C1orf159: variants seen among roughly 807,000 people sequenced by gnomAD.
C1orf159 encodes chromosome 1 open reading frame 159, also known as uncharacterized protein C1orf159.
A neutral mutation model predicts 25.6 loss-of-function variants in C1orf159; 19 were observed. The ratio of observed to expected loss-of-function variants is 0.74; its 90% CI spans 0.52 to 1.09. The LOEUF (loss-of-function observed/expected upper bound fraction) is 1.09. Ranked by LOEUF, C1orf159 falls within the 50% of genes least tolerant of loss-of-function variation. C1orf159 has a pLI of 0.00. For synonymous variants in C1orf159, 139 were observed against 124.7 expected, an observed-to-expected ratio of 1.12 and a Z score of -0.77; for missense variants, 274 against 290.6, an observed-to-expected ratio of 0.94 and a Z score of 0.42.
In C1orf159 at chr1:1,082,796, G is replaced by A. The variant is rs1645764696; in HGVS notation, c.*97C>T. The A allele has an allele frequency of 1.8e-6, 2 of 1,141,752 alleles. No individual in the cohort carries two copies. The highest frequency in any genetic ancestry group is 5.1e-5 in the East Asian group (2 of 38,914). The allele number at this position is 1,141,752 out of a possible 1,614,324, so 70.7% of individuals were successfully genotyped here. On this transcript the variant is annotated 3_prime_UTR_variant, in exon 10 of 10. Coordinates refer to ENST00000421241, the MANE Select transcript of C1orf159 (RefSeq NM_017891.5). The stretch of plus-strand genomic sequence containing the variant: ...CGAGGCTGTGCCCAGGACTGTCCCG[G>A]GCGCCGGGCGATGCCAACACTTTGT...
intron 1 of C1orf159, among the ~76,000 whole-genome samples, chr1:1,111,638 C>G (rs540936707): frequency 6.6e-6 from 1 of 152,146 alleles, no homozygotes; most frequent in East Asian, 1.9e-4. Context: ...AAGCAACCAC[C>G]GGCTGGGGCA....
chr1:1,103,812 C>G (rs1341583296), intron 1 of C1orf159, among the ~76,000 whole-genome samples: 1 of 152,182 alleles, frequency 6.6e-6, no homozygotes, highest in African/African-American at 2.4e-5. Flanking sequence ...TCACCCCGGC[C>G]TCCTGAATAG....
At position 1,084,366 on chromosome 1, in the gene C1orf159, C is replaced by CG; in HGVS notation, c.488dup (p.Pro164AlafsTer114). 3 of 1,563,142 alleles carry CG rather than the reference C, an allele frequency of 1.9e-6. No homozygotes were observed. Among genetic ancestry groups the CG allele is most frequent in the Non-Finnish European group, 2.6e-6 (3 of 1,153,502 alleles). On this transcript the variant is annotated frameshift_variant, in exon 9 of 10. Coordinates refer to ENST00000421241, the MANE Select transcript of C1orf159 (RefSeq NM_017891.5). LOFTEE classifies it high-confidence loss of function. ...AGCTGCTGTTACCTGAGGACTGTGG[C>CG]GGGGGGATCATTGCAGCCTTGAAAA...
intron 1 of C1orf159, among the ~76,000 whole-genome samples, chr1:1,108,088 C>T (rs964688975): frequency 6.6e-6 from 1 of 151,228 alleles, no homozygotes; most frequent in Non-Finnish European, 1.5e-5. Flanking sequence ...TCGGCAGCAC[C>T]ATTCACCACA....
chr1:1,114,227 C>T (rs949352169), intron 1 of C1orf159, among the ~76,000 whole-genome samples: 1 of 152,084 alleles, frequency 6.6e-6, no homozygotes, highest in Non-Finnish European at 1.5e-5. Flanking sequence ...CAGCCAGGGC[C>T]GCCTTCTCTT....
chr1:1,084,842 G>A (rs1320244047), intron 7 of C1orf159, among the ~76,000 whole-genome samples: 2 of 152,122 alleles, frequency 1.3e-5, no homozygotes, highest in African/African-American at 4.8e-5. Flanking sequence ...CAGGCTCCAG[G>A]GTCCCAGGGG....
At chr1:1,111,769 C>G (rs1414537551) in intron 1 of C1orf159, among the ~76,000 whole-genome samples, 1 of 152,146 alleles carries the variant, frequency 6.6e-6, no homozygotes, top group Non-Finnish European at 1.5e-5. Context: ...GTAAACACAG[C>G]CCCGAGGGCT....
chr1:1,087,816 G>A lies in C1orf159; in HGVS notation c.149-219C>T, dbSNP rs1645856211. On this transcript the variant is annotated intron_variant, in intron 4 of 9. Coordinates refer to ENST00000421241, the MANE Select transcript of C1orf159 (RefSeq NM_017891.5). This position sits in a 1 kb window ranked among gnomAD's most constrained non-coding sequence, Gnocchi z 8.3. ...ACTCCACACTGCGCACCCTGACCCTGAGTACTCCGACCCCAAGTACTCCAC... is the reference window on the plus strand; with the variant it reads ...ACTCCACACTGCGCACCCTGACCCTAAGTACTCCGACCCCAAGTACTCCAC... 6.6e-6 allele frequency among the ~76,000 whole-genome samples: 1 copy of A among 151,016 alleles called. No individual in the cohort carries two copies. Among genetic ancestry groups the A allele is most frequent in the Non-Finnish European group, 1.5e-5 (1 of 67,692 alleles).
At position 1,111,451 on chromosome 1, in the gene C1orf159, C is replaced by T. The variant is rs575841628; in HGVS notation, c.-136+4609G>A. Among the ~76,000 whole-genome samples, 43 of 151,850 alleles carry T rather than the reference C, an allele frequency of 2.8e-4. 2 individuals carry two copies. The South Asian group carries it at 8.7e-3, about 31-fold the overall frequency. ...TTGGGAGGCTGAAGTGAAAGAATCTCTTGAGCCTGGGAGGTCAAGGCTACA... is the reference window on the plus strand; with the variant it reads ...TTGGGAGGCTGAAGTGAAAGAATCTTTTGAGCCTGGGAGGTCAAGGCTACA... On this transcript the variant is annotated intron_variant, in intron 1 of 9. Coordinates refer to ENST00000421241, the MANE Select transcript of C1orf159 (RefSeq NM_017891.5).
At chr1:1,115,802 C>T (rs1229399078) in intron 1 of C1orf159, among the ~76,000 whole-genome samples, 2 of 138,124 alleles carry the variant, frequency 1.4e-5, no homozygotes, top group Non-Finnish European at 3.2e-5. Context: ...CCCCAGGCGT[C>T]CCGCTCAGCC....
At chr1:1,104,251 T>C (rs1646140387) in intron 1 of C1orf159, among the ~76,000 whole-genome samples, 1 of 152,220 alleles carries the variant, frequency 6.6e-6, no homozygotes. Context: ...CCTCCCAAAG[T>C]GCTGGGATCA....
At chr1:1,101,296 A>G (rs1455059290) in intron 1 of C1orf159, among the ~76,000 whole-genome samples, 5 of 152,146 alleles carry the variant, frequency 3.3e-5, no homozygotes, top group Non-Finnish European at 7.4e-5. Context: ...CACCCTGGCC[A>G]ACATAGCAAA....
chr1:1,086,615 GCA>G (rs1184462760), intron 6 of C1orf159, among the ~76,000 whole-genome samples: 2 of 152,218 alleles, frequency 1.3e-5, no homozygotes, highest in African/African-American at 4.8e-5. Context: ...TCCTGCCCCA[GCA>G]CAGAGCCACA....
At position 1,081,961 on chromosome 1, in the gene C1orf159, G is replaced by T. The variant is rs1133647; in HGVS notation, c.*932C>A. 0.76 allele frequency: 115,087 copies of T among 152,292 alleles called. 43,762 individuals carry two copies. Among genetic ancestry groups the T allele is most frequent in the East Asian group, 0.9 (4,629 of 5,168 alleles). 9.4% of individuals were successfully genotyped at this position (152,292 alleles called of 1,614,324 possible). A position where few individuals can be genotyped will look rare whatever the true frequency, so the allele number is the denominator to read the frequency against. ...CCCGAAGGCCAGGCCACCCCTCAGAGGGGGGTCCCATGCTAAAGCAGACGG... is the reference window on the plus strand; with the variant it reads ...CCCGAAGGCCAGGCCACCCCTCAGATGGGGGTCCCATGCTAAAGCAGACGG... On this transcript the variant is annotated 3_prime_UTR_variant, in exon 10 of 10. Transcript: ENST00000421241. This position sits in a 1 kb window ranked among gnomAD's most constrained non-coding sequence, Gnocchi z 7.1.
At chr1:1,108,987 G>A (rs59036606) in intron 1 of C1orf159, among the ~76,000 whole-genome samples, 9 of 42,302 alleles carry the variant, frequency 2.1e-4, no homozygotes, top group African/African-American at 6.4e-4. Flanking sequence ...CATCCACCAC[G>A]GCCACCATGT....
chr1:1,114,781 G>A (rs1226194484), intron 1 of C1orf159, among the ~76,000 whole-genome samples: 1 of 151,938 alleles, frequency 6.6e-6, no homozygotes, highest in Non-Finnish European at 1.5e-5. Context: ...CTCAAAACCG[G>A]CTCCCTCTGC....
rs553361396 is a variant in C1orf159 at position 1,099,214 on chromosome 1, A to C, written c.-135-7111T>G. On this transcript the variant is annotated intron_variant, in intron 1 of 9. Transcript: ENST00000421241. ...AACTATGATTGTGGGTTGTCTATTG[A>C]TGTTTTTGGTCTATTGTTCTAAGAA... is the stretch of plus-strand genomic sequence containing the variant. Among the ~76,000 whole-genome samples, 18 of 150,244 alleles carry C rather than the reference A, an allele frequency of 1.2e-4. No individual in the cohort carries two copies. The South Asian group carries it at 3.6e-3, about 30-fold the overall frequency.
chr1:1,103,753 C>G (rs1239139017), intron 1 of C1orf159, among the ~76,000 whole-genome samples: 1 of 152,198 alleles, frequency 6.6e-6, no homozygotes, highest in African/African-American at 2.4e-5. Context: ...TTTCTGGAGA[C>G]ACATTCTCCC....
intron 8 of C1orf159, 32 bp from the exon 9 acceptor site, chr1:1,084,415 T>A: frequency 6.3e-7 from 1 of 1,581,894 alleles, no homozygotes. Context: ...GAGTGAGGAC[T>A]CGGGATGGCC....
Sources: gnomAD v4.1 joint callset for allele counts (sites outside exome capture counted in the v4.1 genomes callset) on GRCh38, gnomAD v4.1.1 for gene constraint, Gnocchi (gnomAD v3.1) non-coding constraint, MANE v1.5 for transcripts, NCBI Gene and HGNC (gene_info 2026-07-23, HGNC 2026-07-21) for gene names.